The following ARHGAP24 variants were observed in gnomAD, a reference collection of about 807,000 sequenced individuals.
ARHGAP24 encodes the protein Rho GTPase activating protein 24, also known as rho GTPase-activating protein 24.
A neutral mutation model predicts 76.4 loss-of-function variants in ARHGAP24; 50 were observed. The ratio of observed to expected loss-of-function variants is 0.65; its 90% confidence interval spans 0.52 to 0.83. The LOEUF (loss-of-function observed/expected upper bound fraction) is 0.83. Ranked by LOEUF, ARHGAP24 falls within the 40% of genes least tolerant of loss-of-function variation. The pLI, the probability that ARHGAP24 is intolerant of heterozygous loss-of-function variation, is 0.00. For synonymous variants in ARHGAP24, 345 were observed against 323.3 expected, an observed-to-expected ratio of 1.07 and a Z score of -0.72; for missense variants, 930 against 914.2, an observed-to-expected ratio of 1.02 and a Z score of -0.22.
At chr4:85,955,029 AAAT>A (rs1737832260) in intron 5 of ARHGAP24, among the ~76,000 whole-genome samples, 2 of 152,160 alleles carry the variant, frequency 1.3e-5, no homozygotes, top group Admixed American at 1.3e-4. Flanking sequence ...ATAAATAAAT[AAAT>A]AATAAAATGT....
intron 1 of ARHGAP24, among the ~76,000 whole-genome samples, chr4:85,503,167 G>T (rs1056447630): frequency 3.3e-5 from 5 of 152,192 alleles, no homozygotes; most frequent in African/African-American, 4.8e-5. Flanking sequence ...AGGGATATGG[G>T]TCTAAAATTC....
At chr4:85,619,496 TAAAA>T (rs1205256952) in intron 2 of ARHGAP24, among the ~76,000 whole-genome samples, 1 of 145,684 alleles carries the variant, frequency 6.9e-6, no homozygotes, top group East Asian at 2.0e-4. Context: ...TCTATTTCTG[TAAAA>T]AAAAAAAGTC....
chr4:85,592,223 C>G (rs1366814515), intron 2 of ARHGAP24, among the ~76,000 whole-genome samples: 1 of 152,132 alleles, frequency 6.6e-6, no homozygotes, highest in Non-Finnish European at 1.5e-5. Flanking sequence ...TATTTTGATA[C>G]AAGTATACAA....
Position 85,638,600 on chromosome 4 carries a change from A to G in ARHGAP24, c.180+67879A>G, listed in dbSNP as rs1721408412. 2.0e-5 allele frequency among the ~76,000 whole-genome samples: 3 copies of G among 152,100 alleles called. No individual in the cohort carries two copies. The South Asian group carries it at 6.2e-4, about 31-fold the overall frequency. On this transcript the variant is annotated intron_variant, in intron 2 of 9. Coordinates refer to ENST00000395184, the MANE Select transcript of ARHGAP24 (RefSeq NM_001025616.3). Reference sequence around the variant, plus strand: ...CCTTTCCTCTCTAATAGTAACATCAACTTTCCTTTTGTGTGTGTGGATGTG... The same window carrying G: ...CCTTTCCTCTCTAATAGTAACATCAGCTTTCCTTTTGTGTGTGTGGATGTG...
At chr4:85,940,080 T>C (rs1272436010) in intron 4 of ARHGAP24, among the ~76,000 whole-genome samples, 1 of 152,170 alleles carries the variant, frequency 6.6e-6, no homozygotes, top group Non-Finnish European at 1.5e-5. Context: ...AAAGGGTCAA[T>C]ATTCTCCAAC....
chr4:85,587,201 A>G (rs974292212), intron 2 of ARHGAP24, among the ~76,000 whole-genome samples: 2 of 152,226 alleles, frequency 1.3e-5, no homozygotes, highest in African/African-American at 4.8e-5. Context: ...TTCTAATCAC[A>G]TTGACCCCAA....
intron 2 of ARHGAP24, among the ~76,000 whole-genome samples, chr4:85,666,091 G>A (rs928955203): frequency 6.6e-6 from 1 of 152,090 alleles, no homozygotes; most frequent in Non-Finnish European, 1.5e-5. Flanking sequence ...AGTTCTCCTG[G>A]ATAATATCCT....
At chr4:85,572,989 G>T (rs1311047242) in intron 2 of ARHGAP24, among the ~76,000 whole-genome samples, 1 of 146,368 alleles carries the variant, frequency 6.8e-6, no homozygotes, top group Non-Finnish European at 1.5e-5. Context: ...CGATTCTCCT[G>T]TCTCAGGACC....
At chr4:85,611,402 A>G (rs1345927326) in intron 2 of ARHGAP24, among the ~76,000 whole-genome samples, 1 of 152,238 alleles carries the variant, frequency 6.6e-6, no homozygotes, top group East Asian at 1.9e-4. Context: ...CAGTCACTGC[A>G]TAATATTAAA....
chr4:85,617,688 A>C (rs979981797), intron 2 of ARHGAP24, among the ~76,000 whole-genome samples: 1 of 152,154 alleles, frequency 6.6e-6, no homozygotes, highest in Non-Finnish European at 1.5e-5. Context: ...TTTCTGCAAA[A>C]TTTTGTACAT....
At chr4:85,603,942 T>C (rs1212731904) in intron 2 of ARHGAP24, among the ~76,000 whole-genome samples, 1 of 152,226 alleles carries the variant, frequency 6.6e-6, no homozygotes, top group Non-Finnish European at 1.5e-5. Flanking sequence ...TGCTGCCTGG[T>C]AATGAGCAAA....
At chr4:85,749,864 GCCT>G (rs1460446268) in intron 3 of ARHGAP24, among the ~76,000 whole-genome samples, 3 of 152,120 alleles carry the variant, frequency 2.0e-5, no homozygotes, top group African/African-American at 7.2e-5. Context: ...ACCGTGCCTG[GCCT>G]CCACAAATAT....
intron 2 of ARHGAP24, among the ~76,000 whole-genome samples, chr4:85,648,355 A>G (rs551907896): frequency 2.4e-4 from 37 of 152,248 alleles, no homozygotes; most frequent in Admixed American, 1.0e-3. Context: ...AATTAGTTTA[A>G]TATATTTTGC....
intron 2 of ARHGAP24, among the ~76,000 whole-genome samples, chr4:85,601,722 T>C (rs1484311863): frequency 6.6e-6 from 1 of 152,070 alleles, no homozygotes. Flanking sequence ...TTCATTCAAA[T>C]ATTTTAAATT....
intron 1 of ARHGAP24, among the ~76,000 whole-genome samples, chr4:85,538,250 G>A (rs1725547459): frequency 6.6e-6 from 1 of 152,122 alleles, no homozygotes; most frequent in South Asian, 2.1e-4. Flanking sequence ...AAAGGAAGTA[G>A]AAAATTATTA....
At chr4:85,507,741 A>G (rs1250331980) in intron 1 of ARHGAP24, among the ~76,000 whole-genome samples, 1 of 152,216 alleles carries the variant, frequency 6.6e-6, no homozygotes, top group Non-Finnish European at 1.5e-5. Context: ...GGGCCTATGT[A>G]AATCCAAGAT....
At chr4:85,960,618 T>C (rs1270507640) in intron 5 of ARHGAP24, among the ~76,000 whole-genome samples, 2 of 152,174 alleles carry the variant, frequency 1.3e-5, no homozygotes, top group Non-Finnish European at 2.9e-5. Context: ...GTATTTTGAA[T>C]GTCATTGTTG....
chr4:85,986,078 T>TTC (rs1378860826), intron 8 of ARHGAP24, among the ~76,000 whole-genome samples: 1 of 152,232 alleles, frequency 6.6e-6, no homozygotes, highest in Non-Finnish European at 1.5e-5. Context: ...CTGACATGAA[T>TTC]TCTATTGAAA....
intron 3 of ARHGAP24, among the ~76,000 whole-genome samples, chr4:85,848,878 CATG>C (rs1489784211): frequency 6.6e-6 from 1 of 152,170 alleles, no homozygotes; most frequent in African/African-American, 2.4e-5. Flanking sequence ...AGTCAGGTAG[CATG>C]ATGTTTCCAG....
Sources: allele counts gnomAD v4.1 joint callset (sites outside exome capture counted in the v4.1 genomes callset), GRCh38; gene constraint gnomAD v4.1.1; transcripts MANE v1.5; gene names NCBI Gene and HGNC (gene_info 2026-07-23, HGNC 2026-07-21).